ASIC3: variants seen among roughly 807,000 people sequenced by gnomAD.
ASIC3 encodes acid sensing ion channel subunit 3, also known as acid-sensing ion channel 3.
A neutral mutation model predicts 58.6 loss-of-function variants in ASIC3; 46 were observed. That is an observed-to-expected ratio of 0.79 (90% confidence interval 0.62 to 1.00). The LOEUF (loss-of-function observed/expected upper bound fraction) is 1.00. Ranked by LOEUF, ASIC3 falls within the 50% of genes least tolerant of loss-of-function variation. ASIC3 has a pLI of 0.00. For synonymous variants in ASIC3, 336 were observed against 300.2 expected, an observed-to-expected ratio of 1.12 and a Z score of -1.23; for missense variants, 770 against 735.0, an observed-to-expected ratio of 1.05 and a Z score of -0.55.
chr7:151,051,584 G>T (rs1796781963), intron 6 of ASIC3, among the ~76,000 whole-genome samples: 1 of 150,638 alleles, frequency 6.6e-6, no homozygotes, highest in Non-Finnish European at 1.5e-5. Flanking sequence ...GGGGGCGGGG[G>T]AGGGGAGGGG....
rs1272980341 is a variant in ASIC3 at position 151,052,751 on chromosome 7, A to G, written c.*99A>G. On this transcript the variant is annotated 3_prime_UTR_variant, in exon 11 of 11. Transcript: ENST00000349064. This position sits in a 1 kb window ranked among gnomAD's most constrained non-coding sequence, Gnocchi z 5.0. The stretch of plus-strand genomic sequence containing the variant: ...TTCACCCCAAATAAAGTCCTAATGC[A>G]TCAGCCTCAGCTGTTTCTCTTACAG... The G allele has an allele frequency of 1.9e-6, 3 of 1,612,586 alleles. No individual in the cohort carries two copies. Among genetic ancestry groups the G allele is most frequent in the East Asian group, 4.5e-5 (2 of 44,844 alleles).
In ASIC3 at chr7:151,050,470, C is replaced by T. The variant is rs988250769; in HGVS notation, c.686-11C>T. Reference sequence around the variant, plus strand: ...CACACAGGTCAGGCCTCACAGGTCCCTCCCCGACAGAGGAGACCCCGTTTG... The same window carrying T: ...CACACAGGTCAGGCCTCACAGGTCCTTCCCCGACAGAGGAGACCCCGTTTG... On this transcript the variant is annotated splice_polypyrimidine_tract_variant and intron_variant, in intron 2 of 10. Transcript: ENST00000349064. The T allele has an allele frequency of 6.2e-7, 1 of 1,613,210 alleles. No individual in the cohort carries two copies. The highest frequency in any genetic ancestry group is 8.5e-7 in the Non-Finnish European group (1 of 1,179,630).
chr7:151,048,802 T>C lies in ASIC3; in HGVS notation c.-84T>C. 1 of 1,481,072 alleles carries C rather than the reference T, an allele frequency of 6.8e-7. No homozygotes were observed. Among genetic ancestry groups the C allele is most frequent in the Non-Finnish European group, 9.0e-7 (1 of 1,105,564 alleles). 91.7% of individuals were successfully genotyped at this position (1,481,072 alleles called of 1,614,324 possible). A position where few individuals can be genotyped will look rare whatever the true frequency, so the allele number is the denominator to read the frequency against. On this transcript the variant is annotated 5_prime_UTR_variant, in exon 1 of 11. Coordinates refer to ENST00000349064, the MANE Select transcript of ASIC3 (RefSeq NM_004769.4). The stretch of plus-strand genomic sequence containing the variant: ...TCTCCTTGCCTGGCCTCCTGAATCC[T>C]ATCTTAGCCTCCTTAGCCCCCTGAC...
chr7:151,049,419 G>A lies in ASIC3; in HGVS notation c.534G>A (p.Thr178=), dbSNP rs754745451. Residue 178 remains threonine (T), a splice_region_variant and synonymous_variant, in exon 1 of 11, where the codon ACG becomes ACA. Transcript: ENST00000349064. ...CTTGTGGGCCTGAGAACTTCACCACGGTGAGCTGACCTCCCTACCTATCCT... is the reference window on the plus strand; with the variant it reads ...CTTGTGGGCCTGAGAACTTCACCACAGTGAGCTGACCTCCCTACCTATCCT... ...GQPCGPENFT[T]IFTRMGKCYT... 5.7e-6 allele frequency: 9 copies of A among 1,577,204 alleles called. No homozygotes were observed. Among genetic ancestry groups the A allele is most frequent in the East Asian group, 4.5e-5 (2 of 44,456 alleles).
rs375107350 is a variant in ASIC3 at position 151,049,305 on chromosome 7, C to T, written c.420C>T (p.Pro140=). ...GRPPAPPGFM[P]SPTFDMAQLY... ...CCCCTGCACCGCCCGGCTTCATGCC[C>T]AGTCCCACCTTTGACATGGCGCAAC... The change falls in exon 1 of 11, where the codon CCC becomes CCT. Residue 140 remains proline (P), a synonymous_variant. Coordinates refer to ENST00000349064, the MANE Select transcript of ASIC3 (RefSeq NM_004769.4). 1.7e-5 allele frequency: 27 copies of T among 1,612,964 alleles called. No individual in the cohort carries two copies. The highest frequency in any genetic ancestry group is 2.1e-5 in the Non-Finnish European group (25 of 1,179,980).
chr7:151,051,810 G>T lies in ASIC3; in HGVS notation c.1215G>T (p.Ala405=). Residue 405 remains alanine, a splice_region_variant and synonymous_variant, in exon 7 of 11, where the codon GCG becomes GCT. Coordinates refer to ENST00000349064, the MANE Select transcript of ASIC3 (RefSeq NM_004769.4). The part of the protein sequence containing the change: ...RKLNRSEAYI[A]ENVLALDIFF... ...CATTTGAGGCCATTCTTGTCCTCAG[G>T]GAGAACGTGCTGGCCCTGGACATCT... 6.2e-7 allele frequency: 1 copy of T among 1,613,260 alleles called. No homozygotes were observed. The highest frequency in any genetic ancestry group is 1.1e-5 in the South Asian group (1 of 91,062).
chr7:151,049,492 C>A, intron 1 of ASIC3, 73 bp downstream of exon 1: 1 of 1,496,486 alleles, frequency 6.7e-7, no homozygotes, highest in Non-Finnish European at 8.9e-7. Flanking sequence ...ACCCACAATT[C>A]CCTAGCCAGC....
rs571908824 is a variant in ASIC3, at chr7:151,050,917, G to T, written c.973G>T (p.Ala325Ser). ...CCTGGCCTGCGAAACCCGCTACGTG[G>T]CTCGGAAGTGCGGCTGCCGAATGGT... Reference protein sequence around the residue: ...CRLACETRYVARKCGCRMVYM... With the variant: ...CRLACETRYVSRKCGCRMVYM... Residue 325 changes from alanine to serine, a missense_variant, in exon 4 of 11, where the codon GCT becomes TCT. Coordinates refer to ENST00000349064, the MANE Select transcript of ASIC3 (RefSeq NM_004769.4). The T allele has an allele frequency of 6.2e-6, 10 of 1,613,492 alleles. No homozygotes were observed. The South Asian group carries it at 9.9e-5, about 16-fold the overall frequency.
chr7:151,048,941 T>C lies in ASIC3; in HGVS notation c.56T>C (p.Val19Ala), dbSNP rs760106953. 1.3e-6 allele frequency: 2 copies of C among 1,583,482 alleles called. No homozygotes were observed. The highest frequency in any genetic ancestry group is 1.7e-5 in the Admixed American group (1 of 58,644). ...EARRPASDIR[V>A]FASNCSMHGL... is the part of the protein sequence containing the mutation. ...CGGCGGCCAGCCTCGGACATCCGCGTGTTCGCCAGCAACTGCTCGATGCAC... is the reference window on the plus strand; with the variant it reads ...CGGCGGCCAGCCTCGGACATCCGCGCGTTCGCCAGCAACTGCTCGATGCAC... Residue 19 changes from valine (V) to alanine (A), a missense_variant, in exon 1 of 11, where the codon GTG becomes GCG. Val to Ala is a moderately conservative substitution (Grantham distance 64, BLOSUM62 0). Coordinates refer to ENST00000349064, the MANE Select transcript of ASIC3 (RefSeq NM_004769.4).
rs757609373 is a variant in ASIC3, at chr7:151,050,535, C to T, written c.740C>T (p.Pro247Leu). 16 of 1,613,896 alleles carry T rather than the reference C, an allele frequency of 9.9e-6. No homozygotes were observed. Among genetic ancestry groups the T allele is most frequent in the Middle Eastern group, 1.6e-4 (1 of 6,084 alleles). Reference protein sequence around the residue: ...IRVQIHSQEEPPIIDQLGLGV... With the variant: ...IRVQIHSQEELPIIDQLGLGV... Reference sequence around the variant, plus strand: ...GTGCAGATCCACAGCCAGGAGGAGCCGCCCATCATCGATCAGCTGGGCTTG... The same window carrying T: ...GTGCAGATCCACAGCCAGGAGGAGCTGCCCATCATCGATCAGCTGGGCTTG... The change falls in exon 3 of 11, where the codon CCG (proline) becomes CTG (leucine). Residue 247 changes from proline to leucine, a missense_variant. Physicochemically the swap from Pro to Leu is moderately conservative, Grantham distance 98. Coordinates refer to ENST00000349064, the MANE Select transcript of ASIC3 (RefSeq NM_004769.4).
Sources: gnomAD v4.1 joint callset for allele counts (sites outside exome capture counted in the v4.1 genomes callset) on GRCh38, gnomAD v4.1.1 for gene constraint, Gnocchi (gnomAD v3.1) non-coding constraint, MANE v1.5 for transcripts, NCBI Gene and HGNC (gene_info 2026-07-23, HGNC 2026-07-21) for gene names.